The following ERCC6 variants were observed in gnomAD, a reference collection of about 807,000 sequenced individuals.
The protein encoded by ERCC6 is DNA excision repair protein ERCC-6.
ERCC6 carries 116 observed loss-of-function variants against 158.7 expected under a neutral mutation model. The ratio of observed to expected loss-of-function variants is 0.73; its 90% CI spans 0.63 to 0.85. The LOEUF (loss-of-function observed/expected upper bound fraction) is 0.85. Ranked by LOEUF, ERCC6 falls within the 40% of genes least tolerant of loss-of-function variation. The pLI is 0.00. For synonymous variants in ERCC6, 678 were observed against 659.3 expected, an observed-to-expected ratio of 1.03 and a Z score of -0.43; for missense variants, 1,698 against 1,799.4, an observed-to-expected ratio of 0.94 and a Z score of 1.02.
chr10:49,515,192 C>G (rs1247690748), intron 5 of ERCC6: 1 of 1,304,186 alleles, frequency 7.7e-7, no homozygotes. Flanking sequence ...ATTCAAGGAA[C>G]AAAAATTTGA....
At chr10:49,437,106 G>A in the ERCC6 span, among the ~76,000 whole-genome samples, 13 of 152,206 alleles carry the variant, frequency 8.5e-5, no homozygotes, top group African/African-American at 1.7e-4. Context: ...CAGGAGATCC[G>A]ATGGTTTTAT....
chr10:49,445,364 T>C, the ERCC6 span, among the ~76,000 whole-genome samples: 1 of 152,200 alleles, frequency 6.6e-6, no homozygotes, highest in Non-Finnish European at 1.5e-5. Flanking sequence ...ATAAGGTTTA[T>C]AAATACTGAA....
intron 8 of ERCC6, among the ~76,000 whole-genome samples, chr10:49,491,878 C>T (rs996921401): frequency 6.6e-6 from 1 of 152,110 alleles, no homozygotes; most frequent in African/African-American, 2.4e-5. Context: ...AAAGGAACCA[C>T]AAATGTTTTA....
intron 2 of ERCC6, among the ~76,000 whole-genome samples, chr10:49,532,010 CCTCTCT>C (rs1490676567): frequency 6.6e-6 from 1 of 152,166 alleles, no homozygotes; most frequent in Non-Finnish European, 1.5e-5. Context: ...AAGTCTTCTC[CCTCTCT>C]AAGACACAAA....
At chr10:49,519,701 A>C in intron 5 of ERCC6, among the ~76,000 whole-genome samples, 1 of 152,198 alleles carries the variant, frequency 6.6e-6, no homozygotes, top group East Asian at 1.9e-4. Context: ...CATAGTAAAG[A>C]AAAAAGCATT....
At chr10:49,435,470 GCA>G in the ERCC6 span, among the ~76,000 whole-genome samples, 4 of 152,090 alleles carry the variant, frequency 2.6e-5, no homozygotes, top group African/African-American at 9.7e-5. Flanking sequence ...CCCACGCAGA[GCA>G]CAGTCTCTGA....
chr10:49,470,556 G>C lies in ERCC6; in HGVS notation c.3404C>G (p.Thr1135Arg). ...ACCAGATGGCATAGAAGTTTTGCCT[G>C]TTCCTGAAGAATTTGAACATTCCCC... ...GNGECSNSSG[T>R]GKTSMPSGDE... The change falls in exon 18 of 21, where the codon ACA becomes AGA. Residue 1135 changes from threonine (T) to arginine (R), a missense_variant. By Grantham distance (71) the Thr-to-Arg change is moderately conservative. Transcript: ENST00000355832. 1 of 1,614,132 alleles carries C rather than the reference G, an allele frequency of 6.2e-7. No homozygotes were observed. The highest frequency in any genetic ancestry group is 8.5e-7 in the Non-Finnish European group (1 of 1,180,012).
At chr10:49,451,496 T>C (rs1405616351), downstream of ERCC6, among the ~76,000 whole-genome samples, 1 of 152,338 alleles carries the variant, frequency 6.6e-6, no homozygotes, top group Non-Finnish European at 1.5e-5. Context: ...TGAAAGGGTG[T>C]TGGATTTATT....
the ERCC6 span, among the ~76,000 whole-genome samples, chr10:49,447,453 C>G: frequency 2.6e-5 from 4 of 151,946 alleles, no homozygotes; most frequent in Non-Finnish European, 5.9e-5. Flanking sequence ...TTTGGGAGGC[C>G]GAGGCGGGCA....
downstream of ERCC6, among the ~76,000 whole-genome samples, chr10:49,452,492 T>C (rs1014974526): frequency 6.6e-6 from 1 of 152,142 alleles, no homozygotes; most frequent in Admixed American, 6.5e-5. Context: ...TGAAGTTTCA[T>C]GGTCTAGCAT....
intron 4 of ERCC6, among the ~76,000 whole-genome samples, chr10:49,525,768 AACAGAATT>A (rs1837302888): frequency 6.6e-6 from 1 of 150,462 alleles, no homozygotes; most frequent in Non-Finnish European, 1.5e-5. Context: ...CATATCAACT[AACAGAATT>A]ACTAGCACCA....
chr10:49,534,938 G>T (rs1837562936), intron 1 of ERCC6, among the ~76,000 whole-genome samples: 1 of 152,204 alleles, frequency 6.6e-6, no homozygotes, highest in African/African-American at 2.4e-5. Context: ...CAGCATGTCA[G>T]TTAACAACAG....
intron 5 of ERCC6, among the ~76,000 whole-genome samples, chr10:49,517,910 A>G (rs1837032784): frequency 6.6e-6 from 1 of 152,238 alleles, no homozygotes; most frequent in Non-Finnish European, 1.5e-5. Context: ...AATTGTATTT[A>G]GGTTTCTGGA....
At chr10:49,525,139 C>T (rs192280143) in intron 4 of ERCC6, 18 of 270,068 alleles carry the variant, frequency 6.7e-5, no homozygotes, top group Admixed American at 1.5e-4. Context: ...AAGCAAGCTC[C>T]GAAGTTCTCA....
the ERCC6 span, among the ~76,000 whole-genome samples, chr10:49,435,918 G>C: frequency 6.6e-6 from 1 of 151,654 alleles, no homozygotes; most frequent in South Asian, 2.1e-4. Flanking sequence ...AGAATCACTT[G>C]AACCTGGGAG....
intron 5 of ERCC6, chr10:49,515,239 G>T: frequency 2.1e-6 from 3 of 1,448,588 alleles, no homozygotes; most frequent in Non-Finnish European, 2.7e-6. Flanking sequence ...ATTGTTATGT[G>T]ACGTTCCAAA....
rs1032438478 is a variant in ERCC6 at position 49,455,084 on chromosome 10, G to A, written c.*3731C>T. On this transcript the variant is annotated 3_prime_UTR_variant, in exon 21 of 21. Coordinates refer to ENST00000355832, the MANE Select transcript of ERCC6 (RefSeq NM_000124.4). ...GAATTTACTATATTTTAAAACTTCC[G>A]TATGATAAACATCACAAAATAGATA... 4.6e-5 allele frequency among the ~76,000 whole-genome samples: 7 copies of A among 152,062 alleles called. No individual in the cohort carries two copies. Among genetic ancestry groups the A allele is most frequent in the African/African-American group, 4.8e-5 (2 of 41,500 alleles).
chr10:49,503,587 C>T (rs1851391032), intron 6 of ERCC6: 1 of 152,064 alleles, frequency 6.6e-6, no homozygotes, highest in Non-Finnish European at 1.5e-5. Context: ...AGATGATATA[C>T]ATAGCTGGTG....
chr10:49,528,191 C>T (rs531416571), intron 4 of ERCC6, among the ~76,000 whole-genome samples: 1 of 152,236 alleles, frequency 6.6e-6, no homozygotes, highest in African/African-American at 2.4e-5. Context: ...AAATGTGTAC[C>T]AGCAGCCTCC....
Sources: gnomAD v4.1 joint callset for allele counts (sites outside exome capture counted in the v4.1 genomes callset) on GRCh38, gnomAD v4.1.1 for gene constraint, MANE v1.5 for transcripts, NCBI Gene and HGNC (gene_info 2026-07-23, HGNC 2026-07-21) for gene names.